The following TNIP3 variants were observed in gnomAD, a reference collection of about 807,000 sequenced individuals.
The protein encoded by TNIP3 is TNFAIP3-interacting protein 3.
Under a neutral mutation model 54.1 loss-of-function variants are expected in TNIP3, and 34 were observed. That is an observed-to-expected ratio of 0.63 (90% CI 0.48 to 0.84). The LOEUF (loss-of-function observed/expected upper bound fraction) is 0.84, where lower values mean the gene tolerates loss of function less well. Ranked by LOEUF, TNIP3 falls within the 40% of genes least tolerant of loss-of-function variation. The pLI, the probability that TNIP3 is intolerant of heterozygous loss-of-function variation, is 0.00. For synonymous variants in TNIP3, 134 were observed against 136.8 expected, an observed-to-expected ratio of 0.98 and a Z score of 0.14; for missense variants, 366 against 387.6, an observed-to-expected ratio of 0.94 and a Z score of 0.47.
At chr4:121,146,961 A>T in intron 7 of TNIP3, 88 bp downstream of exon 7, 1 of 1,455,876 alleles carries the variant, frequency 6.9e-7, no homozygotes, top group Admixed American at 2.4e-5. Context: ...TTCAATGTCA[A>T]TTAACAGAAG....
chr4:121,184,017 G>C (rs899090970), intron 2 of TNIP3, among the ~76,000 whole-genome samples: 3 of 152,122 alleles, frequency 2.0e-5, no homozygotes, highest in African/African-American at 7.2e-5. Context: ...CATGAAACCA[G>C]TGCCTGGTGC....
intron 2 of TNIP3, among the ~76,000 whole-genome samples, chr4:121,209,057 T>C (rs1452500776): frequency 1.3e-5 from 2 of 152,228 alleles, no homozygotes; most frequent in Non-Finnish European, 2.9e-5. Flanking sequence ...TCTGTATGGA[T>C]ATAAATACTC....
chr4:121,154,792 G>T, intron 4 of TNIP3, 113 bp from the exon 5 acceptor site: 1 of 978,850 alleles, frequency 1.0e-6, no homozygotes, highest in Non-Finnish European at 1.5e-6. Flanking sequence ...TCACCCTTCT[G>T]AAATACAATA....
At position 121,161,211 on chromosome 4, in the gene TNIP3, A is replaced by T. The variant is rs192518342; in HGVS notation, c.72T>A (p.Ala24=). Reference sequence around the variant, plus strand: ...TCAAGTTCTTTCTTGTTGATGGTTCAGCACACTTAGAAAAAAAAAAAGAGA... The same window carrying T: ...TCAAGTTCTTTCTTGTTGATGGTTCTGCACACTTAGAAAAAAAAAAAGAGA... The part of the protein sequence containing the change: ...AESSTEHKEC[A]EPSTRKNLMN... The change falls in exon 2 of 11, where the codon GCT becomes GCA. Residue 24 remains alanine, a synonymous_variant. Transcript: ENST00000057513. 1.3e-6 allele frequency: 2 copies of T among 1,572,016 alleles called. No individual in the cohort carries two copies. The highest frequency in any genetic ancestry group is 2.7e-5 in the African/African-American group (2 of 73,428).
chr4:121,155,381 T>G (rs1231640367), intron 4 of TNIP3, among the ~76,000 whole-genome samples: 1 of 152,218 alleles, frequency 6.6e-6, no homozygotes, highest in East Asian at 1.9e-4. Flanking sequence ...AAAACAATAC[T>G]AAATATCTCA....
At chr4:121,221,522 A>T (rs1479333401), upstream of TNIP3, among the ~76,000 whole-genome samples, 6 of 152,370 alleles carry the variant, frequency 3.9e-5, no homozygotes, top group East Asian at 1.2e-3. Context: ...GATATTCAAA[A>T]AAAGGATATG....
chr4:121,208,007 T>A (rs1398540563), intron 2 of TNIP3, among the ~76,000 whole-genome samples: 1 of 152,068 alleles, frequency 6.6e-6, no homozygotes, highest in Admixed American at 6.6e-5. Flanking sequence ...TTATCAGGGG[T>A]TTCCGCTTTT....
intron 2 of TNIP3, among the ~76,000 whole-genome samples, chr4:121,212,378 A>G (rs1313205621): frequency 6.6e-6 from 1 of 152,188 alleles, no homozygotes; most frequent in African/African-American, 2.4e-5. Context: ...CATCTAATAT[A>G]TTACATATAA....
chr4:121,158,852 G>A, intron 2 of TNIP3, 100 bp from the exon 3 acceptor site: 4 of 902,220 alleles, frequency 4.4e-6, no homozygotes, highest in Non-Finnish European at 7.0e-6. Flanking sequence ...GGTTTTAGAA[G>A]CCATGGATGA....
chr4:121,150,030 T>C (rs1417785394), intron 6 of TNIP3, 73 bp downstream of exon 6: 6 of 903,756 alleles, frequency 6.6e-6, no homozygotes, highest in Non-Finnish European at 1.1e-5. Flanking sequence ...GCAAGACATC[T>C]AAAAATGCCC....
chr4:121,144,180 T>C (rs916532358), intron 7 of TNIP3, among the ~76,000 whole-genome samples: 2 of 152,186 alleles, frequency 1.3e-5, no homozygotes, highest in Non-Finnish European at 1.5e-5. Flanking sequence ...GTGAGTTATT[T>C]ACTAGCAAGA....
chr4:121,173,281 A>G (rs1724082849), intron 3 of TNIP3, among the ~76,000 whole-genome samples: 2 of 152,234 alleles, frequency 1.3e-5, no homozygotes, highest in African/African-American at 4.8e-5. Context: ...AGGGATAGAT[A>G]TGAGGTGGCT....
rs187814193 is a variant in TNIP3 at position 121,152,132 on chromosome 4, A to T, written c.493-1913T>A. ...TAATTACAAGGCTGACATATTACAA[A>T]TTTTTTCTGAGTGAATGGGTCAGCA... On this transcript the variant is annotated intron_variant, in intron 5 of 10. Transcript: ENST00000057513. Among the ~76,000 whole-genome samples, 4 of 152,280 alleles carry T rather than the reference A, an allele frequency of 2.6e-5. No individual in the cohort carries two copies. The East Asian group carries it at 7.7e-4, about 29-fold the overall frequency.
chr4:121,207,131 T>C (rs1726235252), intron 2 of TNIP3, among the ~76,000 whole-genome samples: 1 of 152,198 alleles, frequency 6.6e-6, no homozygotes, highest in African/African-American at 2.4e-5. Flanking sequence ...TTTGTTTTGT[T>C]TTGCTTGCTG....
chr4:121,207,045 T>C (rs2148844460), intron 2 of TNIP3, among the ~76,000 whole-genome samples: 1 of 152,294 alleles, frequency 6.6e-6, no homozygotes, highest in South Asian at 2.1e-4. Flanking sequence ...TAGACGAAAA[T>C]GTTTTCATTG....
Position 121,157,105 on chromosome 4 carries a change from G to C in TNIP3, c.352C>G (p.Gln118Glu), listed in dbSNP as rs560869609. The C allele has an allele frequency of 1.4e-5, 22 of 1,614,010 alleles. No homozygotes were observed. In the African/African-American group the frequency reaches 2.3e-4, roughly 17 times the overall value. The change falls in exon 4 of 11, where the codon CAG (glutamine) becomes GAG (glutamate). Residue 118 changes from glutamine to glutamate, a missense_variant. Physicochemically the swap from Gln to Glu is conservative, Grantham distance 29 (BLOSUM62 2). Transcript: ENST00000057513. ...CGGGCCCCGCCCACCTCCTCCCGCT[G>C]CAGCCGGTCCCGGGTCAGGTCGCGC... ...RQRDLTRDRLQREEKEKERLN... is the reference protein window; with the variant it reads ...RQRDLTRDRLEREEKEKERLN...
chr4:121,178,323 A>AG (rs1724478115), intron 3 of TNIP3, among the ~76,000 whole-genome samples: 1 of 152,236 alleles, frequency 6.6e-6, no homozygotes, highest in Non-Finnish European at 1.5e-5. Context: ...GGCCAAGAGT[A>AG]GGTGCTCAAT....
chr4:121,178,241 C>T (rs1236344602), intron 3 of TNIP3, among the ~76,000 whole-genome samples: 1 of 152,196 alleles, frequency 6.6e-6, no homozygotes, highest in Admixed American at 6.5e-5. Context: ...CTGCATTGAA[C>T]TCCAGTTTCC....
chr4:121,199,301 T>G lies in TNIP3; in HGVS notation c.69-16505A>C, dbSNP rs150883245. 1.2e-4 allele frequency among the ~76,000 whole-genome samples: 19 copies of G among 152,260 alleles called. No individual in the cohort carries two copies. In the East Asian group the frequency reaches 3.7e-3, roughly 29 times the overall value. On this transcript the variant is annotated intron_variant, in intron 2 of 12. Transcript: ENST00000507879. ...AACTGTTAGTAAAATACTGATAATATCTACAGCACACTAAGCTTCAAGATA... is the reference window on the plus strand; with the variant it reads ...AACTGTTAGTAAAATACTGATAATAGCTACAGCACACTAAGCTTCAAGATA...
Sources: allele counts gnomAD v4.1 joint callset (sites outside exome capture counted in the v4.1 genomes callset), GRCh38; gene constraint gnomAD v4.1.1; transcripts MANE v1.5; gene names NCBI Gene and HGNC (gene_info 2026-07-23, HGNC 2026-07-21).